Variants in CTNNA3 observed in about 807,000 individuals in gnomAD.
CTNNA3 encodes the protein catenin alpha-3.
CTNNA3 carries 76 observed loss-of-function variants against 95.7 expected under a neutral mutation model. The observed-to-expected ratio is 0.79, with a 90% CI of 0.66 to 0.96. CTNNA3 has a LOEUF of 0.96. Ranked by LOEUF, CTNNA3 falls within the 40% of genes least tolerant of loss-of-function variation. CTNNA3 has a pLI of 0.00. For synonymous variants in CTNNA3, 431 were observed against 374.4 expected (o/e 1.15, Z -1.74); for missense variants, 1,191 against 1,089.8 (o/e 1.09, Z -1.31).
intron 5 of CTNNA3, among the ~76,000 whole-genome samples, chr10:67,330,703 T>TA (rs5785821): frequency 0.73 from 107,986 of 148,716 alleles, 42,459 homozygotes; most frequent in Non-Finnish European, 0.88. Flanking sequence ...TGTCATTTTC[T>TA]AAAAAAAAAA....
At chr10:66,887,479 T>C (rs1416716910) in intron 7 of CTNNA3, among the ~76,000 whole-genome samples, 1 of 152,132 alleles carries the variant, frequency 6.6e-6, no homozygotes, top group Non-Finnish European at 1.5e-5. Flanking sequence ...CTTACGTAAT[T>C]ATTTTCTTAT....
chr10:66,227,486 A>G (rs2089367851), intron 13 of CTNNA3, among the ~76,000 whole-genome samples: 1 of 151,592 alleles, frequency 6.6e-6, no homozygotes, highest in African/African-American at 2.4e-5. Context: ...TGACTTGCAT[A>G]TGTTAAACTA....
chr10:67,004,202 A>C (rs1213963111), intron 7 of CTNNA3, among the ~76,000 whole-genome samples: 1 of 152,168 alleles, frequency 6.6e-6, no homozygotes, highest in Non-Finnish European at 1.5e-5. Context: ...ATTGAGAAGA[A>C]GGCCTGAATT....
At chr10:67,181,368 T>G (rs1310685522) in intron 6 of CTNNA3, among the ~76,000 whole-genome samples, 1 of 152,076 alleles carries the variant, frequency 6.6e-6, no homozygotes, top group Non-Finnish European at 1.5e-5. Context: ...AGATGGAAGG[T>G]ATATGCTGCT....
intron 1 of CTNNA3, among the ~76,000 whole-genome samples, chr10:67,709,846 T>C (rs1841097197): frequency 1.3e-5 from 2 of 152,172 alleles, no homozygotes; most frequent in African/African-American, 4.8e-5. Flanking sequence ...ACAATCTCTC[T>C]CCTCTACCAC....
At chr10:67,042,846 T>G (rs1440815093) in intron 7 of CTNNA3, among the ~76,000 whole-genome samples, 1 of 152,092 alleles carries the variant, frequency 6.6e-6, no homozygotes, top group African/African-American at 2.4e-5. Flanking sequence ...CCAATGGAAA[T>G]GTGAGGAATA....
intron 10 of CTNNA3, among the ~76,000 whole-genome samples, chr10:66,569,876 A>C (rs1384378768): frequency 6.6e-6 from 1 of 152,184 alleles, no homozygotes; most frequent in Admixed American, 6.5e-5. Flanking sequence ...AGTTGATTCA[A>C]AAGGCAGAGC....
rs114367839 is a variant in CTNNA3, at chr10:66,058,942, A to G, written c.2159+10366T>C. Among the ~76,000 whole-genome samples the G allele has an allele frequency of 1.6e-3, 237 of 152,244 alleles. 2 individuals carry two copies. The highest frequency in any genetic ancestry group is 5.2e-3 in the African/African-American group (218 of 41,550). ...GTTGTCTTCTTCCCATGTTTATTAT[A>G]CATATGGTTAGACTTGTGTTATAAT... is the stretch of plus-strand genomic sequence containing the variant. On this transcript the variant is annotated intron_variant, in intron 15 of 17. Transcript: ENST00000433211.
intron 17 of CTNNA3, among the ~76,000 whole-genome samples, chr10:65,938,610 T>C (rs1027428224): frequency 2.0e-5 from 3 of 152,198 alleles, no homozygotes; most frequent in African/African-American, 7.2e-5. Context: ...CAGCCCTGAA[T>C]TTAGTTAACC....
chr10:66,489,614 A>G (rs1165615033), intron 11 of CTNNA3, among the ~76,000 whole-genome samples: 3 of 152,176 alleles, frequency 2.0e-5, no homozygotes, highest in African/African-American at 4.8e-5. Flanking sequence ...ACACACACAC[A>G]AACACACACA....
At chr10:67,161,837 A>G (rs1413164506) in intron 7 of CTNNA3, among the ~76,000 whole-genome samples, 2 of 152,118 alleles carry the variant, frequency 1.3e-5, no homozygotes, top group Non-Finnish European at 2.9e-5. Flanking sequence ...AAAAGGGTGG[A>G]AAAAGATAAA....
intron 5 of CTNNA3, among the ~76,000 whole-genome samples, chr10:67,499,005 C>A (rs905156142): frequency 6.6e-6 from 1 of 152,188 alleles, no homozygotes; most frequent in African/African-American, 2.4e-5. Flanking sequence ...GCATCCTTGT[C>A]TTGTGCCAGT....
intron 1 of CTNNA3, among the ~76,000 whole-genome samples, chr10:67,686,763 C>T (rs530641743): frequency 2.4e-4 from 37 of 152,216 alleles, no homozygotes; most frequent in Non-Finnish European, 4.4e-4. Flanking sequence ...TCCCATGAGT[C>T]TGAGTAAGGA....
intron 13 of CTNNA3, among the ~76,000 whole-genome samples, chr10:66,196,214 G>A (rs79935373): frequency 0.037 from 5,672 of 152,200 alleles, 375 homozygotes; most frequent in African/African-American, 0.13. Flanking sequence ...TAAACATTTG[G>A]AAATCTATAA....
intron 12 of CTNNA3, among the ~76,000 whole-genome samples, chr10:66,374,237 T>C (rs1433296694): frequency 6.6e-6 from 1 of 152,116 alleles, no homozygotes. Context: ...TGGCTGATTA[T>C]GATCAAAGGC....
intron 7 of CTNNA3, among the ~76,000 whole-genome samples, chr10:66,873,316 A>G (rs1166876132): frequency 6.6e-6 from 1 of 152,070 alleles, no homozygotes; most frequent in Non-Finnish European, 1.5e-5. Flanking sequence ...CCAACAGTGT[A>G]TAAGCATTTC....
chr10:67,501,937 A>G (rs1337793299), intron 5 of CTNNA3, among the ~76,000 whole-genome samples: 1 of 151,498 alleles, frequency 6.6e-6, no homozygotes, highest in African/African-American at 2.4e-5. Flanking sequence ...GGAGTTTGTT[A>G]CTCTCCACCT....
intron 13 of CTNNA3, among the ~76,000 whole-genome samples, chr10:66,138,723 G>C (rs561078059): frequency 1.3e-5 from 2 of 152,244 alleles, no homozygotes; most frequent in African/African-American, 4.8e-5. Context: ...GCCAGGTGTG[G>C]TGGCATGCAC....
At chr10:66,891,134 A>T (rs891676093) in intron 7 of CTNNA3, among the ~76,000 whole-genome samples, 15 of 152,186 alleles carry the variant, frequency 9.9e-5, no homozygotes, top group African/African-American at 3.6e-4. Context: ...TATTTACCCC[A>T]CTGTAATCAG....
Sources: allele counts gnomAD v4.1 joint callset (sites outside exome capture counted in the v4.1 genomes callset), GRCh38; gene constraint gnomAD v4.1.1; transcripts MANE v1.5; gene names NCBI Gene and HGNC (gene_info 2026-07-23, HGNC 2026-07-21).